Variants in ZFPM2 observed in about 807,000 individuals in gnomAD.
ZFPM2 encodes zinc finger protein, FOG family member 2, also known as zinc finger protein ZFPM2.
Under a neutral mutation model 98.6 loss-of-function variants are expected in ZFPM2, and 20 were observed. The ratio of observed to expected loss-of-function variants is 0.20; its 90% CI spans 0.14 to 0.29. The LOEUF (loss-of-function observed/expected upper bound fraction) is 0.29. Among genes scored for constraint, ZFPM2 ranks in the 10% least tolerant of loss-of-function variants. ZFPM2 has a pLI of 1.00. For synonymous variants in ZFPM2, 518 were observed against 502.7 expected (o/e 1.03, Z -0.41); for missense variants, 1,310 against 1,388.6 (o/e 0.94, Z 0.90).
intron 1 of ZFPM2, among the ~76,000 whole-genome samples, chr8:105,390,418 G>A (rs1184859584): frequency 6.6e-6 from 1 of 152,164 alleles, no homozygotes; most frequent in South Asian, 2.1e-4. Context: ...GCATGGTTTC[G>A]AAGTAGAGCT....
At position 105,802,627 on chromosome 8, in the gene ZFPM2, A is replaced by C; in HGVS notation, c.2545A>C (p.Arg849=). 1 of 1,610,932 alleles carries C rather than the reference A, an allele frequency of 6.2e-7. No individual in the cohort carries two copies. Among genetic ancestry groups the C allele is most frequent in the South Asian group, 1.1e-5 (1 of 90,470 alleles). Residue 849 remains arginine, a synonymous_variant, in exon 8 of 8, where the codon AGG becomes CGG. Coordinates refer to ENST00000407775, the MANE Select transcript of ZFPM2 (RefSeq NM_012082.4). Reference sequence around the variant, plus strand: ...TGAGCGGACGACCACGTCTCCCAAAAGGCTGCTGGACTATCACGAGTGCAC... The same window carrying C: ...TGAGCGGACGACCACGTCTCCCAAACGGCTGCTGGACTATCACGAGTGCAC... ...QSERTTTSPK[R]LLDYHECTVC...
At chr8:105,541,011 G>GT (rs1814564618) in intron 3 of ZFPM2, among the ~76,000 whole-genome samples, 1 of 152,094 alleles carries the variant, frequency 6.6e-6, no homozygotes, top group African/African-American at 2.4e-5. Context: ...TTTGGTAGTT[G>GT]TATTGTTGCA....
intron 4 of ZFPM2, among the ~76,000 whole-genome samples, chr8:105,602,827 C>T (rs1816120573): frequency 6.6e-6 from 1 of 152,042 alleles, no homozygotes; most frequent in African/African-American, 2.4e-5. Context: ...AGGCCACATT[C>T]CAACCAGAGA....
chr8:105,448,613 G>A (rs1181898829), intron 3 of ZFPM2, among the ~76,000 whole-genome samples: 1 of 151,980 alleles, frequency 6.6e-6, no homozygotes. Flanking sequence ...CTCATAGAAT[G>A]GAGAGTAGAG....
chr8:105,495,051 A>G (rs1260730112), intron 3 of ZFPM2, among the ~76,000 whole-genome samples: 3 of 152,220 alleles, frequency 2.0e-5, no homozygotes, highest in Non-Finnish European at 2.9e-5. Flanking sequence ...GCTGATAGCT[A>G]TACAAAAAAA....
chr8:105,517,786 TAGG>T (rs1813968534), intron 3 of ZFPM2, among the ~76,000 whole-genome samples: 1 of 149,622 alleles, frequency 6.7e-6, no homozygotes, highest in South Asian at 2.1e-4. Context: ...CTCAGCTACT[TAGG>T]AGGCTGAGCC....
At chr8:105,538,020 A>G (rs1255222931) in intron 3 of ZFPM2, among the ~76,000 whole-genome samples, 1 of 152,108 alleles carries the variant, frequency 6.6e-6, no homozygotes, top group Non-Finnish European at 1.5e-5. Context: ...TACAGGCTCC[A>G]TATTGACAAC....
At chr8:105,469,146 T>A (rs1195012942) in intron 3 of ZFPM2, among the ~76,000 whole-genome samples, 1 of 152,168 alleles carries the variant, frequency 6.6e-6, no homozygotes, top group South Asian at 2.1e-4. Flanking sequence ...GTCACCAGAA[T>A]TTTTTCCTAT....
intron 5 of ZFPM2, among the ~76,000 whole-genome samples, chr8:105,664,149 C>T (rs1350154274): frequency 1.3e-5 from 2 of 152,230 alleles, no homozygotes; most frequent in Non-Finnish European, 1.5e-5. Flanking sequence ...GAAACTGTAT[C>T]GATGACTTTT....
chr8:105,742,382 A>G (rs1812238452), intron 5 of ZFPM2, among the ~76,000 whole-genome samples: 1 of 147,326 alleles, frequency 6.8e-6, no homozygotes, highest in Non-Finnish European at 1.5e-5. Context: ...TGTCTCTTAA[A>G]AAAAAAAAAA....
chr8:105,508,018 C>T (rs546074730), intron 3 of ZFPM2, among the ~76,000 whole-genome samples: 18 of 152,248 alleles, frequency 1.2e-4, no homozygotes, highest in African/African-American at 3.4e-4. Flanking sequence ...AGTTTCCAGG[C>T]TGCTAGGAGT....
chr8:105,669,536 ATGTGTGTGTG>A (rs71305176), intron 5 of ZFPM2, among the ~76,000 whole-genome samples: 3 of 139,058 alleles, frequency 2.2e-5, no homozygotes, highest in Non-Finnish European at 1.6e-5. Context: ...GAAAGTGTGC[ATGTGTGTGTG>A]TGTGTGTGTG....
intron 3 of ZFPM2, among the ~76,000 whole-genome samples, chr8:105,504,790 G>A (rs887037666): frequency 1.3e-5 from 2 of 152,076 alleles, no homozygotes; most frequent in Admixed American, 1.3e-4. Context: ...TGAGTCCTGA[G>A]GCTTATTAAG....
chr8:105,716,195 T>C (rs1473503723), intron 5 of ZFPM2, among the ~76,000 whole-genome samples: 1 of 149,770 alleles, frequency 6.7e-6, no homozygotes, highest in Non-Finnish European at 1.5e-5. Context: ...AAAATTTATA[T>C]GTAAATATTC....
intron 1 of ZFPM2, among the ~76,000 whole-genome samples, chr8:105,376,631 A>C (rs894293361): frequency 1.3e-5 from 2 of 152,122 alleles, no homozygotes; most frequent in Non-Finnish European, 2.9e-5. Flanking sequence ...ACATACATCC[A>C]GTTTGTCTAA....
At chr8:105,439,076 AAT>A (rs1812185010) in intron 2 of ZFPM2, among the ~76,000 whole-genome samples, 2 of 152,110 alleles carry the variant, frequency 1.3e-5, no homozygotes, top group Admixed American at 1.3e-4. Context: ...GAGTAATGTT[AAT>A]GATTGATTGA....
At chr8:105,458,407 C>T (rs1369590133) in intron 3 of ZFPM2, among the ~76,000 whole-genome samples, 7 of 151,602 alleles carry the variant, frequency 4.6e-5, no homozygotes, top group East Asian at 1.9e-4. Context: ...ACAACTTTAC[C>T]GATGGAATGA....
chr8:105,693,975 CT>C (rs1181965747), intron 5 of ZFPM2, among the ~76,000 whole-genome samples: 1 of 108,530 alleles, frequency 9.2e-6, no homozygotes, highest in Non-Finnish European at 2.0e-5. Context: ...TTCTTTTTTT[CT>C]TTTCTTTTTT....
chr8:105,598,255 T>C (rs1391189285), intron 4 of ZFPM2, among the ~76,000 whole-genome samples: 1 of 151,948 alleles, frequency 6.6e-6, no homozygotes, highest in East Asian at 1.9e-4. Flanking sequence ...GAAGGTCACT[T>C]GAGAAAGCTG....
Sources: gnomAD v4.1 joint callset for allele counts (sites outside exome capture counted in the v4.1 genomes callset) on GRCh38, gnomAD v4.1.1 for gene constraint, MANE v1.5 for transcripts, NCBI Gene and HGNC (gene_info 2026-07-23, HGNC 2026-07-21) for gene names.